The following OVCH1 variants were observed in gnomAD, a reference collection of about 807,000 sequenced individuals.
The protein encoded by OVCH1 is ovochymase 1, also known as ovochymase-1.
A neutral mutation model predicts 138.4 loss-of-function variants in OVCH1; 139 were observed. The observed-to-expected ratio is 1.00, with a 90% CI of 0.87 to 1.16. The LOEUF (loss-of-function observed/expected upper bound fraction) is 1.16. OVCH1 is among the 50% of genes most tolerant of loss of function. The pLI, the probability that OVCH1 is intolerant of heterozygous loss-of-function variation, is 0.00. For synonymous variants in OVCH1, 453 were observed against 467.8 expected, an observed-to-expected ratio of 0.97 and a Z score of 0.41; for missense variants, 1,367 against 1,357.9, an observed-to-expected ratio of 1.01 and a Z score of -0.11.
At chr12:29,422,526 A>G (rs370169503) in intron 3 of OVCH1, among the ~76,000 whole-genome samples, 2 of 152,206 alleles carry the variant, frequency 1.3e-5, no homozygotes, top group African/African-American at 4.8e-5. Flanking sequence ...AATTGATGGT[A>G]TGTGTATTGT....
At chr12:29,423,294 A>T (rs1248742087), downstream of OVCH1, 1 of 455,800 alleles carries the variant, frequency 2.2e-6, no homozygotes, top group Admixed American at 2.4e-5. Flanking sequence ...AGCCATGTAA[A>T]TGAGCTGCAA....
At chr12:29,476,126 G>C in intron 13 of OVCH1, 80 bp downstream of exon 13, 1 of 1,115,750 alleles carries the variant, frequency 9.0e-7, no homozygotes, top group African/African-American at 1.5e-5. Flanking sequence ...CTACGTTCTG[G>C]TACCCAAGGA....
intron 11 of OVCH1, 43 bp from the exon 12 acceptor site, chr12:29,477,275 AT>A: frequency 1.9e-6 from 3 of 1,612,888 alleles, no homozygotes; most frequent in Non-Finnish European, 2.5e-6. Context: ...GGCCAAAGAC[AT>A]TTTCTCCTCT....
intron 26 of OVCH1, among the ~76,000 whole-genome samples, chr12:29,438,629 A>G (rs1565570873): frequency 6.6e-6 from 1 of 152,196 alleles, no homozygotes; most frequent in Non-Finnish European, 1.5e-5. Context: ...GCACCTTAAT[A>G]AAGTTTCATA....
intron 13 of OVCH1, 135 bp downstream of exon 13, chr12:29,476,071 G>C (rs1481117820): frequency 4.1e-6 from 3 of 727,750 alleles, no homozygotes; most frequent in Non-Finnish European, 7.3e-6. Flanking sequence ...AGCTAAAGTT[G>C]TATGGCATTC....
At position 29,444,181 on chromosome 12, in the gene OVCH1, A is replaced by G. The variant is rs1361451166; in HGVS notation, c.2981T>C (p.Met994Thr). The change falls in exon 24 of 28, where the codon ATG becomes ACG. Residue 994 changes from methionine (M) to threonine (T), a missense_variant. Coordinates refer to ENST00000318184, the Ensembl canonical transcript of OVCH1. ...TCTGTGAGAATTTCTTGGGATCTGC[A>G]TGATCCCTTCTGGCTTGGTCAGAAG... is the stretch of plus-strand genomic sequence containing the variant. 2.5e-6 allele frequency: 4 copies of G among 1,611,462 alleles called. No individual in the cohort carries two copies. The South Asian group carries it at 3.3e-5, about 13-fold the overall frequency.
chr12:29,482,366 A>T (rs985978084), intron 8 of OVCH1, among the ~76,000 whole-genome samples: 2 of 152,046 alleles, frequency 1.3e-5, no homozygotes, highest in Non-Finnish European at 2.9e-5. Context: ...TATCATCTTT[A>T]TAACGTGGTC....
At chr12:29,439,492 CA>C in intron 25 of OVCH1, 2 of 1,065,392 alleles carry the variant, frequency 1.9e-6, no homozygotes, top group Non-Finnish European at 1.2e-6. Context: ...AAGCAAAAAA[CA>C]AAAAACAAAC....
chr12:29,461,889 C>T (rs1462332667), exon 19 of OVCH1: 1 of 1,613,876 alleles, frequency 6.2e-7, no homozygotes, highest in African/African-American at 1.3e-5. Context: ...GCTGCAAAGC[C>T]AGCACAGATC....
At chr12:29,476,211 T>G (rs768433339) in exon 13 of OVCH1, 33 of 1,611,376 alleles carry the variant, frequency 2.0e-5, no homozygotes, top group Non-Finnish European at 2.8e-5. Flanking sequence ...CCTACCTAAC[T>G]TGTGCTTTTC....
At chr12:29,480,738 G>A (rs1472200235) in intron 8 of OVCH1, among the ~76,000 whole-genome samples, 1 of 150,128 alleles carries the variant, frequency 6.7e-6, no homozygotes, top group South Asian at 2.1e-4. Context: ...AGAATACAGA[G>A]AGGCTTGGAG....
chr12:29,436,276 A>C (rs1381786647), intron 26 of OVCH1, among the ~76,000 whole-genome samples: 2 of 86,920 alleles, frequency 2.3e-5, no homozygotes, highest in African/African-American at 9.2e-5. Context: ...AGTATAGCTA[A>C]AAGTTGAGAC....
At chr12:29,488,762 T>C (rs759438208) in intron 6 of OVCH1, among the ~76,000 whole-genome samples, 14 of 152,092 alleles carry the variant, frequency 9.2e-5, no homozygotes, top group Non-Finnish European at 2.1e-4. Flanking sequence ...TCAGACAACA[T>C]TGTGTCAGAT....
chr12:29,477,882 A>G (rs1942796348), intron 9 of OVCH1, among the ~76,000 whole-genome samples: 2 of 152,230 alleles, frequency 1.3e-5, no homozygotes, highest in South Asian at 4.1e-4. Flanking sequence ...TTCTCAAAAA[A>G]CGTCCAGTAC....
intron 6 of OVCH1, among the ~76,000 whole-genome samples, chr12:29,488,620 C>CA (rs67595567): frequency 0.02 from 1,256 of 61,378 alleles, 17 homozygotes; most frequent in African/African-American, 0.042. Context: ...GACTCCATCT[C>CA]AAAAAAAAAA....
chr12:29,495,385 A>G (rs1943386759), exon 4 of OVCH1: 1 of 1,613,266 alleles, frequency 6.2e-7, no homozygotes, highest in Non-Finnish European at 8.5e-7. Flanking sequence ...AGACAGGAAT[A>G]TTCTGTTCTT....
chr12:29,454,258 A>G (rs574240045), intron 21 of OVCH1, among the ~76,000 whole-genome samples: 1 of 152,196 alleles, frequency 6.6e-6, no homozygotes, highest in African/African-American at 2.4e-5. Context: ...TTAAACTCTT[A>G]CTAGTTGTTT....
chr12:29,497,232 A>G (rs1483050443), intron 1 of OVCH1, among the ~76,000 whole-genome samples: 5 of 152,186 alleles, frequency 3.3e-5, no homozygotes, highest in Admixed American at 6.5e-5. Flanking sequence ...ACTGCAGTCC[A>G]GCCTGGGTGA....
chr12:29,455,016 A>C (rs1941906696), intron 20 of OVCH1, 83 bp from the exon 21 acceptor site: 2 of 1,281,402 alleles, frequency 1.6e-6, no homozygotes, highest in African/African-American at 3.0e-5. Context: ...CCACTATCAA[A>C]AGAAACAAAA....
Sources: gnomAD v4.1 joint callset for allele counts (sites outside exome capture counted in the v4.1 genomes callset) on GRCh38, gnomAD v4.1.1 for gene constraint, MANE v1.5 for transcripts, NCBI Gene and HGNC (gene_info 2026-07-23, HGNC 2026-07-21) for gene names.